EXPH5: variants seen among roughly 807,000 people sequenced by gnomAD.
EXPH5 encodes the protein exophilin-5.
A neutral mutation model predicts 41.1 loss-of-function variants in EXPH5; 42 were observed. The observed-to-expected ratio is 1.02, with a 90% CI of 0.80 to 1.32. The LOEUF is 1.32. Ranked by LOEUF, EXPH5 falls within the 40% of genes most tolerant of loss-of-function variation. The pLI is 0.00. For missense variants in EXPH5, 2,298 were observed against 2,314.5 expected, an observed-to-expected ratio of 0.99 and a Z score of 0.15; for synonymous variants, 798 against 833.5, an observed-to-expected ratio of 0.96 and a Z score of 0.73.
rs181562938 is a variant in EXPH5 at position 108,570,118 on chromosome 11, G to A, written c.119+23300C>T. 3.9e-5 allele frequency among the ~76,000 whole-genome samples: 6 copies of A among 152,332 alleles called. No individual in the cohort carries two copies. The East Asian group carries it at 1.2e-3, about 29-fold the overall frequency. On this transcript the variant is annotated intron_variant, in intron 1 of 5. Coordinates refer to ENST00000265843, the MANE Select transcript of EXPH5 (RefSeq NM_015065.3). ...CTGGCCTGCCTCCTGAAATGGCCCA[G>A]GCCCCTGGAGGTATGGAATCTTCCA...
intron 5 of EXPH5, among the ~76,000 whole-genome samples, chr11:108,517,723 A>C (rs561032226): frequency 6.6e-6 from 1 of 152,170 alleles, no homozygotes; most frequent in South Asian, 2.1e-4. Context: ...TAAACAGCAA[A>C]CTTTGTAGAT....
chr11:108,532,568 G>C (rs2093850526), intron 3 of EXPH5, among the ~76,000 whole-genome samples: 1 of 150,532 alleles, frequency 6.6e-6, no homozygotes, highest in Admixed American at 6.6e-5. Context: ...ACTATTAATA[G>C]ATAATGATCA....
chr11:108,600,518 AG>A, the EXPH5 span, among the ~76,000 whole-genome samples: 1 of 152,330 alleles, frequency 6.6e-6, no homozygotes. Flanking sequence ...TGACTTAAGA[AG>A]GCAAATTTCC....
chr11:108,541,501 G>A (rs1368225758), intron 2 of EXPH5, 151 bp downstream of exon 2: 2 of 466,196 alleles, frequency 4.3e-6, no homozygotes, highest in Non-Finnish European at 7.3e-6. Context: ...TTTTTTTTTA[G>A]TGTATATTGT....
intron 1 of EXPH5, among the ~76,000 whole-genome samples, chr11:108,584,010 T>C (rs1397799139): frequency 6.6e-6 from 1 of 152,174 alleles, no homozygotes; most frequent in Non-Finnish European, 1.5e-5. Flanking sequence ...AAAAATCAAT[T>C]GTATTTCTCT....
intron 5 of EXPH5, among the ~76,000 whole-genome samples, chr11:108,515,076 CTTTTTCAAATCACTT>C (rs768400172): frequency 1.1e-4 from 16 of 152,158 alleles, no homozygotes; most frequent in Non-Finnish European, 1.6e-4. Flanking sequence ...TTCTTTCCTA[CTTTTTCAAATCACTT>C]TTTTTCAAAG....
At chr11:108,593,319 C>A in intron 1 of EXPH5, 99 bp downstream of exon 1, 1 of 1,051,080 alleles carries the variant, frequency 9.5e-7, no homozygotes, top group South Asian at 1.4e-5. Flanking sequence ...TCGGAGCACC[C>A]CCGGGCAGGT....
intron 4 of EXPH5, among the ~76,000 whole-genome samples, chr11:108,520,634 T>C (rs1428908098): frequency 6.6e-6 from 1 of 152,166 alleles, no homozygotes; most frequent in Non-Finnish European, 1.5e-5. Context: ...AGTGGCGCGA[T>C]CTGGGCTCTG....
At position 108,518,429 on chromosome 11, in the gene EXPH5, C is replaced by G. The variant is rs931359846; in HGVS notation, c.493-56G>C. The G allele has an allele frequency of 2.0e-6, 3 of 1,527,582 alleles. No individual in the cohort carries two copies. In the African/African-American group the frequency reaches 4.1e-5, roughly 21 times the overall value. The allele number at this position is 1,527,582 out of a possible 1,614,324, so 94.6% of individuals were successfully genotyped here. A position where few individuals can be genotyped will look rare whatever the true frequency, so the allele number is the denominator to read the frequency against. ...TTCTGAGCCTTCACCAGTCAAAATA[C>G]TCACACGCTCCCACCAAACTGTCCC... On this transcript the variant is annotated intron_variant, in intron 4 of 5. Transcript: ENST00000265843.
At chr11:108,575,273 G>A (rs181546825) in intron 1 of EXPH5, among the ~76,000 whole-genome samples, 4 of 152,308 alleles carry the variant, frequency 2.6e-5, no homozygotes, top group East Asian at 1.9e-4. Context: ...GAAAGGATTC[G>A]TTAAAACAAA....
chr11:108,548,229 C>CCT lies in EXPH5; in HGVS notation c.120-6418_120-6417insAG, dbSNP rs1555195390. ...GTGTTTTAAATAAGAAAGTTTTTGA[C>CCT]TTTTTTTTCTTTTTTTTGTTATCTT... On this transcript the variant is annotated intron_variant, in intron 1 of 5. Coordinates refer to ENST00000265843, the MANE Select transcript of EXPH5 (RefSeq NM_015065.3). Among the ~76,000 whole-genome samples the CCT allele has an allele frequency of 4.4e-3, 660 of 150,380 alleles. 3 individuals carry two copies. The highest frequency in any genetic ancestry group is 6.9e-3 in the Non-Finnish European group (468 of 67,756).
intron 1 of EXPH5, among the ~76,000 whole-genome samples, chr11:108,589,916 G>A (rs190528116): frequency 1.3e-5 from 2 of 152,258 alleles, no homozygotes; most frequent in Admixed American, 1.3e-4. Context: ...AATTAAATCT[G>A]TATAACATGT....
rs772912262 is a variant in EXPH5 at position 108,513,122 on chromosome 11, A to T, written c.2385T>A (p.Asp795Glu). The T allele has an allele frequency of 7.4e-6, 12 of 1,611,476 alleles. No individual in the cohort carries two copies. The South Asian group carries it at 1.2e-4, about 16-fold the overall frequency. Residue 795 changes from aspartate to glutamate, a missense_variant, in exon 6 of 6, where the codon GAT (aspartate) becomes GAA (glutamate). Coordinates refer to ENST00000265843, the MANE Select transcript of EXPH5 (RefSeq NM_015065.3). Reference sequence around the variant, plus strand: ...GTTTTCTGTTTTCAGTAAACCTCTTATCTTGTTTAATGTCATTGGATTTAT... The same window carrying T: ...GTTTTCTGTTTTCAGTAAACCTCTTTTCTTGTTTAATGTCATTGGATTTAT... Reference protein sequence around the residue: ...HTDKSNDIKQDKRFTENRKLG... With the variant: ...HTDKSNDIKQEKRFTENRKLG...
At chr11:108,569,795 A>G (rs554483772) in intron 1 of EXPH5, among the ~76,000 whole-genome samples, 4 of 151,326 alleles carry the variant, frequency 2.6e-5, no homozygotes, top group East Asian at 1.9e-4. Flanking sequence ...CATGATATGG[A>G]AAAAAAAATC....
At chr11:108,607,210 T>C in the EXPH5 span, among the ~76,000 whole-genome samples, 2 of 152,172 alleles carry the variant, frequency 1.3e-5, no homozygotes, top group African/African-American at 4.8e-5. Flanking sequence ...AAAGCTGAAA[T>C]AACTGAAAGA....
intron 1 of EXPH5, among the ~76,000 whole-genome samples, chr11:108,562,644 T>G (rs755906098): frequency 6.6e-6 from 1 of 151,736 alleles, no homozygotes; most frequent in African/African-American, 2.4e-5. Flanking sequence ...TTACATTCAA[T>G]GCAAAAGACT....
chr11:108,556,632 C>T (rs2846423), intron 1 of EXPH5, among the ~76,000 whole-genome samples: 83,044 of 151,910 alleles, frequency 0.55, 27,233 homozygotes, highest in Non-Finnish European at 0.71. Context: ...TGCACAACCA[C>T]GCCCAGCTAA....
rs575957368 is a variant in EXPH5 at position 108,576,576 on chromosome 11, A to G, written c.119+16842T>C. ...TAACTTCAATAAAATTTTATTTTTC[A>G]TTCTTTTTTGAATTTGCTTCTAATT... On this transcript the variant is annotated intron_variant, in intron 1 of 5. Transcript: ENST00000265843. 1.4e-4 allele frequency among the ~76,000 whole-genome samples: 21 copies of G among 152,220 alleles called. 1 individual carries two copies. The South Asian group carries it at 4.4e-3, about 32-fold the overall frequency.
At chr11:108,523,076 A>G (rs911524220) in intron 4 of EXPH5, among the ~76,000 whole-genome samples, 5 of 151,932 alleles carry the variant, frequency 3.3e-5, no homozygotes, top group Non-Finnish European at 7.4e-5. Context: ...TGGGTTTGCT[A>G]TGTTGCCCAG....
Sources: allele counts gnomAD v4.1 joint callset (sites outside exome capture counted in the v4.1 genomes callset), GRCh38; gene constraint gnomAD v4.1.1; transcripts MANE v1.5; gene names NCBI Gene and HGNC (gene_info 2026-07-23, HGNC 2026-07-21).